IRGM: variants seen among roughly 807,000 people sequenced by gnomAD.
IRGM encodes the protein immunity related GTPase M, also known as immunity-related GTPase family M protein.
For synonymous variants in IRGM, 98 were observed against 80.6 expected, an observed-to-expected ratio of 1.22 and a Z score of -1.16; for missense variants, 288 against 219.9, an observed-to-expected ratio of 1.31 and a Z score of -1.96.
chr5:150,897,421 A>G (rs1754834976), intron 3 of IRGM: 1 of 156,478 alleles, frequency 6.4e-6, no homozygotes, highest in Non-Finnish European at 1.4e-5. Context: ...AATAATAGAA[A>G]AATCCAATAT....
intron 1 of IRGM, among the ~76,000 whole-genome samples, chr5:150,870,700 G>A (rs1354818398): frequency 6.6e-6 from 1 of 151,984 alleles, no homozygotes; most frequent in Non-Finnish European, 1.5e-5. Context: ...CCATTCCTAG[G>A]TAGGTAACTA....
chr5:150,894,013 G>C (rs1025221821), intron 3 of IRGM, among the ~76,000 whole-genome samples: 8 of 151,962 alleles, frequency 5.3e-5, no homozygotes, highest in African/African-American at 1.9e-4. Context: ...TCCCTGTCCA[G>C]TGTGCCCTCT....
downstream of IRGM, among the ~76,000 whole-genome samples, chr5:150,849,819 A>G (rs1753947399): frequency 6.6e-6 from 1 of 151,952 alleles, no homozygotes; most frequent in African/African-American, 2.4e-5. Context: ...GTTGGCCAGG[A>G]TGGTCTGAAT....
At chr5:150,868,786 T>G (rs1320346138) in intron 1 of IRGM, among the ~76,000 whole-genome samples, 1 of 152,130 alleles carries the variant, frequency 6.6e-6, no homozygotes, top group Non-Finnish European at 1.5e-5. Context: ...ATCAGCTTGG[T>G]CACTGTTGGT....
At chr5:150,896,017 G>T in intron 3 of IRGM, 2 of 1,613,462 alleles carry the variant, frequency 1.2e-6, no homozygotes. Flanking sequence ...CACTCATACG[G>T]CTTCTCTCCA....
At chr5:150,895,666 C>G in intron 3 of IRGM, 2 of 1,613,298 alleles carry the variant, frequency 1.2e-6, no homozygotes, top group Non-Finnish European at 8.5e-7. Flanking sequence ...TTCCCACATT[C>G]AGTACATATA....
chr5:150,865,838 ACT>A (rs1408235865), intron 1 of IRGM, among the ~76,000 whole-genome samples: 7 of 151,848 alleles, frequency 4.6e-5, no homozygotes, highest in African/African-American at 1.7e-4. Context: ...CTCACTGCAG[ACT>A]CTGCCTCCTG....
At chr5:150,851,745 T>C (rs1056337294), downstream of IRGM, among the ~76,000 whole-genome samples, 1 of 152,228 alleles carries the variant, frequency 6.6e-6, no homozygotes, top group African/African-American at 2.4e-5. Context: ...CCACTGATGG[T>C]ATTTACAAGC....
At chr5:150,885,508 G>A (rs1293261425) in intron 3 of IRGM, among the ~76,000 whole-genome samples, 2 of 152,046 alleles carry the variant, frequency 1.3e-5, no homozygotes, top group African/African-American at 4.8e-5. Flanking sequence ...TTTGGTTTGG[G>A]AAGTACGCCC....
intron 3 of IRGM, among the ~76,000 whole-genome samples, chr5:150,881,365 T>A (rs186799616): frequency 4.3e-4 from 66 of 152,212 alleles, no homozygotes; most frequent in Non-Finnish European, 4.4e-4. Flanking sequence ...CAAACAAGAA[T>A]ACTGTACCTG....
chr5:150,888,888 A>T (rs1325743193), intron 3 of IRGM, among the ~76,000 whole-genome samples: 1 of 152,042 alleles, frequency 6.6e-6, no homozygotes, highest in Non-Finnish European at 1.5e-5. Context: ...TAATATCTTA[A>T]CAACATTGAG....
chr5:150,889,755 AT>A (rs1754579805), intron 3 of IRGM, among the ~76,000 whole-genome samples: 1 of 151,908 alleles, frequency 6.6e-6, no homozygotes, highest in African/African-American at 2.4e-5. Context: ...TTTTTAGATG[AT>A]TTTTGTCAAA....
intron 3 of IRGM, chr5:150,897,096 C>T: frequency 1.4e-6 from 1 of 715,630 alleles, no homozygotes; most frequent in Non-Finnish European, 2.3e-6. Flanking sequence ...GGAAACAGGT[C>T]ATCTCAGAAG....
chr5:150,883,645 G>A (rs1282487304), intron 3 of IRGM, among the ~76,000 whole-genome samples: 1 of 151,768 alleles, frequency 6.6e-6, no homozygotes, highest in Non-Finnish European at 1.5e-5. Flanking sequence ...CCCACCAGAA[G>A]TGAATAAATT....
chr5:150,880,267 T>C (rs974172458), intron 3 of IRGM, among the ~76,000 whole-genome samples: 3 of 152,214 alleles, frequency 2.0e-5, no homozygotes, highest in Non-Finnish European at 2.9e-5. Context: ...GTCCTCGGCA[T>C]GTGTAGCAAG....
At chr5:150,866,104 C>T in intron 1 of IRGM, among the ~76,000 whole-genome samples, 1 of 152,196 alleles carries the variant, frequency 6.6e-6, no homozygotes, top group Non-Finnish European at 1.5e-5. Context: ...ACTCCCTGTA[C>T]AGTCTGCTCC....
rs191783289 is a variant in IRGM at position 150,888,785 on chromosome 5, C to A, written c.*140+9139C>A. ...ACAACATACCAGAATCTCTGAGACA[C>A]AGCTAAGGCAGTTCATTGAATTTTA... On this transcript the variant is annotated intron_variant and NMD_transcript_variant, in intron 3 of 3. Transcript: ENST00000520549. Among the ~76,000 whole-genome samples, 322 of 152,152 alleles carry A rather than the reference C, an allele frequency of 2.1e-3. 1 individual carries two copies. The highest frequency in any genetic ancestry group is 3.4e-3 in the Middle Eastern group (1 of 294).
chr5:150,856,193 G>A (rs1554127170), intron 1 of IRGM, among the ~76,000 whole-genome samples: 1 of 152,120 alleles, frequency 6.6e-6, no homozygotes, highest in Non-Finnish European at 1.5e-5. Flanking sequence ...AGCACTTTGA[G>A]AGGCCAAGGC....
intron 3 of IRGM, among the ~76,000 whole-genome samples, chr5:150,888,031 G>T (rs1173864666): frequency 6.6e-6 from 1 of 151,842 alleles, no homozygotes; most frequent in Non-Finnish European, 1.5e-5. Context: ...AAGACCCAAT[G>T]GTATGGTGTC....
Sources: allele counts gnomAD v4.1 joint callset (sites outside exome capture counted in the v4.1 genomes callset), GRCh38; gene constraint gnomAD v4.1.1; transcripts MANE v1.5; gene names NCBI Gene and HGNC (gene_info 2026-07-23, HGNC 2026-07-21).